Variants in DLST observed in about 807,000 individuals in gnomAD.
DLST encodes the protein dihydrolipoyllysine-residue succinyltransferase component of 2-oxoglutarate dehydrogenase complex, mitochondrial.
In DLST, 17 loss-of-function variants were observed where a neutral mutation model predicts 53.1. That is an observed-to-expected ratio of 0.32 (90% CI 0.22 to 0.48). The LOEUF (loss-of-function observed/expected upper bound fraction) is 0.48, where lower values mean the gene tolerates loss of function less well. Among genes scored for constraint, DLST ranks in the 20% least tolerant of loss-of-function variants. The pLI is 0.99. For synonymous variants in DLST, 206 were observed against 204.8 expected (o/e 1.01, Z -0.05); for missense variants, 512 against 583.9 (o/e 0.88, Z 1.27).
At chr14:74,900,410 G>A (rs765255749) in intron 13 of DLST, 38 bp downstream of exon 13, 24 of 1,580,836 alleles carry the variant, frequency 1.5e-5, no homozygotes, top group African/African-American at 2.7e-5. Context: ...CTAAGCAGGC[G>A]AGGGAAGAGA....
intron 8 of DLST, 73 bp from the exon 9 acceptor site, chr14:74,893,275 G>A (rs1210238396): frequency 6.5e-7 from 1 of 1,534,788 alleles, no homozygotes; most frequent in African/African-American, 1.4e-5. Context: ...CAGTACATAT[G>A]AAAGCACTGG....
At position 74,900,281 on chromosome 14, in the gene DLST, C is replaced by T. The variant is rs757662216; in HGVS notation, c.976-8C>T. 10 of 1,613,696 alleles carry T rather than the reference C, an allele frequency of 6.2e-6. No individual in the cohort carries two copies. Among genetic ancestry groups the T allele is most frequent in the Non-Finnish European group, 8.5e-6 (10 of 1,179,798 alleles). ...TTGCAACTGAAAACAGCTTTTCACC[C>T]CCTTCAGGGTCTGGTGGTTCCAGTC... On this transcript the variant is annotated splice_region_variant and splice_polypyrimidine_tract_variant and intron_variant, in intron 12 of 14. Coordinates refer to ENST00000334220, the MANE Select transcript of DLST (RefSeq NM_001933.5).
chr14:74,902,404 C>G lies in DLST; in HGVS notation c.*74C>G. The G allele has an allele frequency of 6.7e-7, 1 of 1,488,670 alleles. No homozygotes were observed. The highest frequency in any genetic ancestry group is 9.0e-7 in the Non-Finnish European group (1 of 1,106,966). The allele number at this position is 1,488,670 out of a possible 1,614,324, so 92.2% of individuals were successfully genotyped here. A position where few individuals can be genotyped will look rare whatever the true frequency, so the allele number is the denominator to read the frequency against. On this transcript the variant is annotated 3_prime_UTR_variant, in exon 15 of 15. Transcript: ENST00000334220. ...GTCTTCTCCCTGTCCCCTCATGGGT[C>G]CCGGGTTAGCCTGGTGACAGGCAGA...
At position 74,902,273 on chromosome 14, in the gene DLST, C is replaced by G; in HGVS notation, c.1305C>G (p.Phe435Leu). ...TTGATGGCAGAGAGGCTGTGACTTT[C>G]CTCCGCAAAATCAAGGCAGCGGTAG... ...RLIDGREAVT[F>L]LRKIKAAVED... Residue 435 changes from phenylalanine to leucine, a missense_variant, in exon 15 of 15, where the codon TTC (phenylalanine) becomes TTG (leucine). Around this residue, in one of 4 missense-constraint regions of DLST, gnomAD observed 186 missense variants for 260.4 expected, o/e 0.71. Transcript: ENST00000334220. 1 of 1,613,572 alleles carries G rather than the reference C, an allele frequency of 6.2e-7. No individual in the cohort carries two copies. The highest frequency in any genetic ancestry group is 8.5e-7 in the Non-Finnish European group (1 of 1,179,712).
Position 74,903,529 on chromosome 14 carries a change from A to C in DLST, c.*1199A>C, listed in dbSNP as rs1164480086. The C allele has an allele frequency of 7.3e-6, 1 of 137,508 alleles. No individual in the cohort carries two copies. The highest frequency in any genetic ancestry group is 1.5e-5 in the Non-Finnish European group (1 of 66,134). 8.5% of individuals were successfully genotyped at this position (137,508 alleles called of 1,614,324 possible). A position where few individuals can be genotyped will look rare whatever the true frequency, so the allele number is the denominator to read the frequency against. On this transcript the variant is annotated 3_prime_UTR_variant, in exon 15 of 15. Transcript: ENST00000334220. ...TTGTATCCAACTGCATCCAGGCCTG[A>C]GGCTGCTGACGTTTGACACCAGGGC...
At chr14:74,896,965 C>A (rs989704533) in intron 10 of DLST, among the ~76,000 whole-genome samples, 1 of 152,202 alleles carries the variant, frequency 6.6e-6, no homozygotes, top group African/African-American at 2.4e-5. Context: ...TTGTGCTGAT[C>A]AGCTAACCCA....
Position 74,891,880 on chromosome 14 carries a change from A to T in DLST, c.442+713A>T, listed in dbSNP as rs568747270. On this transcript the variant is annotated intron_variant, in intron 7 of 14. Transcript: ENST00000334220. Reference sequence around the variant, plus strand: ...GCAAGACCAGAAGCTCAGAGTAGAAAACATGTATGGTAGAAGGCTGGGAAA... The same window carrying T: ...GCAAGACCAGAAGCTCAGAGTAGAATACATGTATGGTAGAAGGCTGGGAAA... 29 of 985,058 alleles carry T rather than the reference A, an allele frequency of 2.9e-5. No individual in the cohort carries two copies. The East Asian group carries it at 2.2e-3, about 73-fold the overall frequency. The allele number at this position is 985,058 out of a possible 1,614,324, so 61.0% of individuals were successfully genotyped here.
intron 9 of DLST, 112 bp downstream of exon 9, chr14:74,893,536 C>A: frequency 1.7e-6 from 2 of 1,175,390 alleles, no homozygotes; most frequent in Non-Finnish European, 1.3e-6. Flanking sequence ...ATTCCCTCAA[C>A]CTTGATAAAG....
intron 3 of DLST, among the ~76,000 whole-genome samples, chr14:74,888,029 C>G (rs1038905091): frequency 6.6e-6 from 1 of 152,160 alleles, no homozygotes; most frequent in Non-Finnish European, 1.5e-5. Flanking sequence ...CAACACATAA[C>G]CAGAGATACC....
chr14:74,888,546 A>C (rs1178997439), intron 3 of DLST, among the ~76,000 whole-genome samples: 1 of 152,030 alleles, frequency 6.6e-6, no homozygotes, highest in Non-Finnish European at 1.5e-5. Flanking sequence ...TAGTCTACAA[A>C]AAGTAATTTA....
Position 74,902,241 on chromosome 14 carries a change from C to T in DLST, c.1273C>T (p.Arg425Trp). 1.9e-6 allele frequency: 3 copies of T among 1,612,740 alleles called. No individual in the cohort carries two copies. The highest frequency in any genetic ancestry group is 2.5e-6 in the Non-Finnish European group (3 of 1,179,266). Residue 425 changes from arginine to tryptophan, a missense_variant, in exon 15 of 15, where the codon CGG (arginine) becomes TGG (tryptophan). By Grantham distance (101) the Arg-to-Trp change is moderately radical. Around this residue, in one of 4 missense-constraint regions of DLST, gnomAD observed 186 missense variants for 260.4 expected, o/e 0.71. Coordinates refer to ENST00000334220, the MANE Select transcript of DLST (RefSeq NM_001933.5). ...MMYVALTYDH[R>W]LIDGREAVTF... ...GTACGTGGCACTGACCTATGATCACCGGCTGATTGATGGCAGAGAGGCTGT... is the reference window on the plus strand; with the variant it reads ...GTACGTGGCACTGACCTATGATCACTGGCTGATTGATGGCAGAGAGGCTGT...
At chr14:74,899,815 C>T in intron 11 of DLST, 108 bp from the exon 12 acceptor site, 1 of 852,578 alleles carries the variant, frequency 1.2e-6, no homozygotes, top group Non-Finnish European at 1.9e-6. Flanking sequence ...TTGGTCAGCC[C>T]ACACTGTATC....
intron 9 of DLST, 45 bp downstream of exon 9, chr14:74,893,469 G>T (rs761389875): frequency 1.9e-6 from 3 of 1,604,860 alleles, no homozygotes; most frequent in African/African-American, 2.7e-5. Flanking sequence ...AGGGGGCAGT[G>T]TTGAGATTAG....
At position 74,898,444 on chromosome 14, in the gene DLST, G is replaced by A. The variant is rs767673219; in HGVS notation, c.846G>A (p.Ser282=). 61 of 1,613,944 alleles carry A rather than the reference G, an allele frequency of 3.8e-5. No homozygotes were observed. Among genetic ancestry groups the A allele is most frequent in the South Asian group, 1.4e-4 (13 of 91,062 alleles). The change falls in exon 11 of 15, where the codon TCG becomes TCA. Residue 282 remains serine (S), a synonymous_variant. Coordinates refer to ENST00000334220, the MANE Select transcript of DLST (RefSeq NM_001933.5). The part of the protein sequence containing the change: ...KKHNLKLGFM[S]AFVKASAFAL... Reference sequence around the variant, plus strand: ...ATAACCTCAAACTAGGCTTCATGTCGGCATTTGTGAAGGCCTCAGCCTTTG... The same window carrying A: ...ATAACCTCAAACTAGGCTTCATGTCAGCATTTGTGAAGGCCTCAGCCTTTG...
intron 6 of DLST, 81 bp downstream of exon 6, chr14:74,890,033 T>C: frequency 8.2e-7 from 1 of 1,217,380 alleles, no homozygotes. Flanking sequence ...ACTTAACCAT[T>C]GTTTAGAGAT....
intron 2 of DLST, among the ~76,000 whole-genome samples, chr14:74,884,981 C>G (rs1883653692): frequency 6.6e-6 from 1 of 152,038 alleles, no homozygotes; most frequent in Non-Finnish European, 1.5e-5. Flanking sequence ...TGAGAGTGAC[C>G]AGGGTGGAAG....
intron 10 of DLST, among the ~76,000 whole-genome samples, chr14:74,898,082 T>C (rs746995776): frequency 6.6e-6 from 1 of 152,170 alleles, no homozygotes; most frequent in Non-Finnish European, 1.5e-5. Context: ...GTGTGATCTC[T>C]TGTTCATATG....
rs1280275279 is a variant in DLST, at chr14:74,892,872, G to A, written c.481G>A (p.Ala161Thr). The A allele has an allele frequency of 1.2e-6, 2 of 1,613,810 alleles. No homozygotes were observed. The highest frequency in any genetic ancestry group is 1.7e-5 in the Admixed American group (1 of 59,874). Residue 161 changes from alanine (A) to threonine (T), a missense_variant, in exon 8 of 15, where the codon GCT (alanine) becomes ACT (threonine). By Grantham distance (58) the Ala-to-Thr change is moderately conservative (BLOSUM62 0). Transcript: ENST00000334220. ...AKAKPAEAPA[A>T]AAPKAEPTAA... ...GGCCAAGCCGGCTGAAGCTCCTGCT[G>A]CTGCAGCCCCAAAAGCAGAACCTAC... is the stretch of plus-strand genomic sequence containing the variant.
intron 9 of DLST, 103 bp from the exon 10 acceptor site, chr14:74,894,209 C>CA: frequency 3.6e-6 from 5 of 1,383,664 alleles, no homozygotes; most frequent in Non-Finnish European, 5.0e-6. Context: ...TACTGTAGTC[C>CA]TTGGCCATCT....
Sources: allele counts gnomAD v4.1 joint callset (sites outside exome capture counted in the v4.1 genomes callset), GRCh38; gene constraint gnomAD v4.1.1; regional missense constraint gnomAD v4.1.1; transcripts MANE v1.5; gene names NCBI Gene and HGNC (gene_info 2026-07-23, HGNC 2026-07-21).